The following MUC3A variants were observed in gnomAD, a reference collection of about 807,000 sequenced individuals.
The protein encoded by MUC3A is mucin-3A.
A neutral mutation model predicts 109.0 loss-of-function variants in MUC3A; 109 were observed. The ratio of observed to expected loss-of-function variants is 1.00; its 90% CI spans 0.86 to 1.17. The LOEUF is 1.17. Ranked by LOEUF, MUC3A falls within the 50% of genes most tolerant of loss-of-function variation. MUC3A has a pLI of 0.00. For missense variants in MUC3A, 3,537 were observed against 2,469.4 expected, an observed-to-expected ratio of 1.43 and a Z score of -9.16; for synonymous variants, 1,398 against 981.4, an observed-to-expected ratio of 1.42 and a Z score of -7.93.
rs1289241022 is a variant in MUC3A, at chr7:100,957,352, A to T, written c.5573A>T (p.Tyr1858Phe). ...ACAGATTCCACGACCAGAACCACCT[A>T]TTCCACCAATATGACAGGTACATTG... ...ALTDSTTRTT[Y>F]STNMTGTLST... The change falls in exon 2 of 12, where the codon TAT becomes TTT. Residue 1858 changes from tyrosine (Y) to phenylalanine (F), a missense_variant. By Grantham distance (22) the Tyr-to-Phe change is conservative. Transcript: ENST00000379458. 1 of 617,828 alleles carries T rather than the reference A, an allele frequency of 1.6e-6. No homozygotes were observed. Among genetic ancestry groups the T allele is most frequent in the Non-Finnish European group, 2.8e-6 (1 of 356,936 alleles). The allele number at this position is 617,828 out of a possible 1,614,324, so 38.3% of individuals were successfully genotyped here. A position where few individuals can be genotyped will look rare whatever the true frequency, so the allele number is the denominator to read the frequency against.
intron 3 of MUC3A, among the ~76,000 whole-genome samples, chr7:100,961,575 C>A (rs36156293): frequency 0.074 from 10,358 of 140,916 alleles, no homozygotes; most frequent in East Asian, 0.22. Context: ...CACCTGTAAT[C>A]CCAGCAGTTT....
intron 8 of MUC3A, chr7:100,966,096 C>T (rs1027980172): frequency 1.5e-6 from 1 of 681,814 alleles, no homozygotes; most frequent in Non-Finnish European, 2.2e-6. Context: ...AGAACCCCGC[C>T]CACTCATTCT....
rs1792223161 is a variant in MUC3A at position 100,959,176 on chromosome 7, CAG to C, written c.7401_7402del (p.Glu2467AspfsTer48). The C allele has an allele frequency of 6.3e-7, 1 of 1,598,176 alleles. No individual in the cohort carries two copies. The highest frequency in any genetic ancestry group is 8.5e-7 in the Non-Finnish European group (1 of 1,179,762). The stretch of plus-strand genomic sequence containing the variant: ...GCCATCACCTCACATTTTACTACCT[CAG>C]AGACTGCGGTGACTCCCACACCTGT... On this transcript the variant is annotated frameshift_variant, in exon 2 of 12. Transcript: ENST00000379458. LOFTEE classifies it high-confidence loss of function.
rs1792138667 is a variant in MUC3A, at chr7:100,957,707, T to A, written c.5928T>A (p.Thr1976=). Residue 1976 remains threonine (T), a synonymous_variant, in exon 2 of 12, where the codon ACT becomes ACA. Coordinates refer to ENST00000379458, the MANE Select transcript of MUC3A (RefSeq NM_005960.2). ...ETTSHNTPSL[T]SSITTTKTTS... ...CATCCCACAATACTCCCAGCCTCAC[T>A]TCTTCAATCACCACCACCAAGACCA... is the stretch of plus-strand genomic sequence containing the variant. The A allele has an allele frequency of 5.0e-6, 7 of 1,410,418 alleles. No individual in the cohort carries two copies. The highest frequency in any genetic ancestry group is 3.5e-4 in the Middle Eastern group (2 of 5,678). The allele number at this position is 1,410,418 out of a possible 1,614,324, so 87.4% of individuals were successfully genotyped here. A position where few individuals can be genotyped will look rare whatever the true frequency, so the allele number is the denominator to read the frequency against.
chr7:100,967,050 A>G (rs1792610030), intron 11 of MUC3A, 71 bp from the exon 12 acceptor site: 5 of 1,598,492 alleles, frequency 3.1e-6, no homozygotes, highest in African/African-American at 2.7e-5. Flanking sequence ...CTGGGCTCGG[A>G]TCAGCAGTGA....
rs370932034 is a variant in MUC3A at position 100,959,602 on chromosome 7, C to T, written c.7823C>T (p.Thr2608Met). The T allele has an allele frequency of 1.6e-4, 255 of 1,597,260 alleles. No homozygotes were observed. The African/African-American group carries it at 1.8e-3, about 11-fold the overall frequency. Residue 2608 changes from threonine (T) to methionine (M), a missense_variant, in exon 2 of 12, where the codon ACG (threonine) becomes ATG (methionine). Physicochemically the swap from Thr to Met is moderately conservative, Grantham distance 81. Transcript: ENST00000379458. ...ACCTTTGGAAGTACGGATTCCTCCA[C>T]GTCCACTCTTCATACTCTTACTCCA... ...TVTFGSTDSS[T>M]STLHTLTPST...
rs767794343 is a variant in MUC3A at position 100,960,856 on chromosome 7, C to G, written c.8971C>G (p.Gln2991Glu). The change falls in exon 3 of 12, where the codon CAG (glutamine) becomes GAG (glutamate). Residue 2991 changes from glutamine to glutamate, a missense_variant. Coordinates refer to ENST00000379458, the MANE Select transcript of MUC3A (RefSeq NM_005960.2). ...CCAGACCAGATGCCAGAATGGGGGT[C>G]AGTGGGATGGCCTCAAATGCCAGTG... ...QLQTRCQNGG[Q>E]WDGLKCQCPS... is the part of the protein sequence containing the mutation. The G allele has an allele frequency of 2.5e-6, 4 of 1,598,522 alleles. No individual in the cohort carries two copies. Among genetic ancestry groups the G allele is most frequent in the Non-Finnish European group, 3.4e-6 (4 of 1,179,800 alleles).
At position 100,964,547 on chromosome 7, in the gene MUC3A, C is replaced by G; in HGVS notation, c.9234-148C>G. On this transcript the variant is annotated intron_variant, in intron 5 of 11. Transcript: ENST00000379458. ...GACCAAGTCAGGAATGCTGGCAGCCCCTTCTGAAAAGGATGCACGTGGCAT... is the reference window on the plus strand; with the variant it reads ...GACCAAGTCAGGAATGCTGGCAGCCGCTTCTGAAAAGGATGCACGTGGCAT... 5.3e-6 allele frequency: 7 copies of G among 1,317,368 alleles called. No individual in the cohort carries two copies. The South Asian group carries it at 9.9e-5, about 19-fold the overall frequency. The allele number at this position is 1,317,368 out of a possible 1,614,324, so 81.6% of individuals were successfully genotyped here. A position where few individuals can be genotyped will look rare whatever the true frequency, so the allele number is the denominator to read the frequency against.
intron 7 of MUC3A, 176 bp downstream of exon 7, chr7:100,965,523 C>T: frequency 7.1e-7 from 1 of 1,416,208 alleles, no homozygotes; most frequent in Non-Finnish European, 9.5e-7. Flanking sequence ...CAGCAGGGGC[C>T]ACGAGGAGAG....
Position 100,963,768 on chromosome 7 carries a change from G to T in MUC3A, c.9233+16G>T. ...TGTCCCTGAGGTAGGAGACCCATCT[G>T]GGGATGCGGAGGCGGTGTTGGGTGG... On this transcript the variant is annotated intron_variant, in intron 5 of 11. Coordinates refer to ENST00000379458, the MANE Select transcript of MUC3A (RefSeq NM_005960.2). 1 of 1,598,566 alleles carries T rather than the reference G, an allele frequency of 6.3e-7. No homozygotes were observed. The highest frequency in any genetic ancestry group is 2.2e-5 in the East Asian group (1 of 44,892).
chr7:100,953,043 C>A lies in MUC3A; in HGVS notation c.1264C>A (p.Pro422Thr), dbSNP rs1235829262. The change falls in exon 2 of 12, where the codon CCC becomes ACC. Residue 422 changes from proline to threonine, a missense_variant. Coordinates refer to ENST00000379458, the MANE Select transcript of MUC3A (RefSeq NM_005960.2). Reference protein sequence around the residue: ...STSTTAISSLPPTSGTMVTST... With the variant: ...STSTTAISSLTPTSGTMVTST... ...ATCCACAACTGCCATCTCCTCACTT[C>A]CCCCTACCTCAGGTACTATGGTGAC... 54 of 1,475,574 alleles carry A rather than the reference C, an allele frequency of 3.7e-5. No homozygotes were observed. In the East Asian group the frequency reaches 1.2e-3, roughly 33 times the overall value. 91.4% of individuals were successfully genotyped at this position (1,475,574 alleles called of 1,614,324 possible).
At position 100,960,115 on chromosome 7, in the gene MUC3A, C is replaced by G. The variant is rs747443559; in HGVS notation, c.8336C>G (p.Pro2779Arg). The G allele has an allele frequency of 1.7e-5, 26 of 1,539,370 alleles. No homozygotes were observed. In the South Asian group the frequency reaches 3.3e-4, roughly 19 times the overall value. The change falls in exon 2 of 12, where the codon CCT becomes CGT. Residue 2779 changes from proline to arginine, a missense_variant. Pro to Arg is a moderately radical substitution (Grantham distance 103). Transcript: ENST00000379458. ...CPGTITITIV[P>R]ASPTDPCVEM... is the part of the protein sequence containing the mutation. The stretch of plus-strand genomic sequence containing the variant: ...GGAACTATAACAATTACCATAGTCC[C>G]TGCCTCCCCCACTGATCCATGTGTT...
In MUC3A at chr7:100,958,082, G is replaced by T. The variant is rs1792148914; in HGVS notation, c.6303G>T (p.Glu2101Asp). 5 of 1,368,470 alleles carry T rather than the reference G, an allele frequency of 3.7e-6. No individual in the cohort carries two copies. Among genetic ancestry groups the T allele is most frequent in the East Asian group, 4.6e-5 (2 of 43,606 alleles). The allele number at this position is 1,368,470 out of a possible 1,614,324, so 84.8% of individuals were successfully genotyped here. ...LSFTSSITTT[E>D]TTSHSTPSFT... ...TCACTTCTTCAATCACCACCACTGAGACCACCTCACACAGTACTCCCAGCT... is the reference window on the plus strand; with the variant it reads ...TCACTTCTTCAATCACCACCACTGATACCACCTCACACAGTACTCCCAGCT... The change falls in exon 2 of 12, where the codon GAG (glutamate) becomes GAT (aspartate). Residue 2101 changes from glutamate (E) to aspartate (D), a missense_variant. By Grantham distance (45) the Glu-to-Asp change is conservative. Transcript: ENST00000379458.
Position 100,960,807 on chromosome 7 carries a change from G to T in MUC3A, c.8922G>T (p.Gly2974=). Residue 2974 remains glycine (G), a synonymous_variant, in exon 3 of 12, where the codon GGG becomes GGT. Transcript: ENST00000379458. ...AGGGCCAGTGTGCTTGCCTTCCGGG[G>T]TTTTCTGGGGACCGCTGTCAGCTCC... ...WEQGQCACLP[G]FSGDRCQLQT... 2.5e-6 allele frequency: 4 copies of T among 1,598,536 alleles called. No homozygotes were observed. Among genetic ancestry groups the T allele is most frequent in the Non-Finnish European group, 3.4e-6 (4 of 1,179,816 alleles).
At position 100,952,043 on chromosome 7, in the gene MUC3A, T is replaced by A; in HGVS notation, c.264T>A (p.Ser88=). ...CCTCCCCCCATGACACACTCATCTC[T>A]GAAACATTGCTCAACTCTCCAGTCA... ...LTTSPHDTLI[S]ETLLNSPVSS... Residue 88 remains serine, a synonymous_variant, in exon 2 of 12, where the codon TCT becomes TCA. Transcript: ENST00000379458. 1 of 1,598,678 alleles carries A rather than the reference T, an allele frequency of 6.3e-7. No homozygotes were observed. Among genetic ancestry groups the A allele is most frequent in the Non-Finnish European group, 8.5e-7 (1 of 1,179,814 alleles).
intron 8 of MUC3A, 183 bp downstream of exon 8, chr7:100,966,049 T>TCGCCCTAAAGTGTAGCCACGCCTCC: frequency 1.2e-6 from 1 of 855,048 alleles, no homozygotes. Flanking sequence ...GCTCTGCTCC[T>TCGCCCTAAAGTGTAGCCACGCCTCC]TTGATGGGGT....
chr7:100,950,463 G>A (rs573279258), intron 1 of MUC3A, among the ~76,000 whole-genome samples: 1 of 152,426 alleles, frequency 6.6e-6, no homozygotes, highest in African/African-American at 2.4e-5. Flanking sequence ...CCCCTTCTCA[G>A]TCACCTCCAG....
intron 8 of MUC3A, 128 bp from the exon 9 acceptor site, chr7:100,966,258 T>TCTAGGGTAGAACACCCCAGCTTGCC: frequency 2.4e-6 from 1 of 423,178 alleles, no homozygotes; most frequent in Non-Finnish European, 3.1e-6. Flanking sequence ...CAGCCCCTTG[T>TCTAGGGTAGAACACCCCAGCTTGCC]CTAGGGTGGA....
chr7:100,963,174 A>G lies in MUC3A; in HGVS notation c.9076A>G (p.Met3026Val). 1.3e-6 allele frequency: 2 copies of G among 1,596,308 alleles called. No individual in the cohort carries two copies. The highest frequency in any genetic ancestry group is 1.7e-6 in the Non-Finnish European group (2 of 1,178,766). ...DLDVVETEVG[M>V]EVSVDQQFSP... ...AGATGTAGTGGAGACCGAGGTGGGC[A>G]TGGAAGTGTCTGTGGATCAGCAGTT... The change falls in exon 4 of 12, where the codon ATG (methionine) becomes GTG (valine). Residue 3026 changes from methionine (M) to valine (V), a missense_variant. Physicochemically the swap from Met to Val is conservative, Grantham distance 21. Coordinates refer to ENST00000379458, the MANE Select transcript of MUC3A (RefSeq NM_005960.2).
Sources: gnomAD v4.1 joint callset for allele counts (sites outside exome capture counted in the v4.1 genomes callset) on GRCh38, gnomAD v4.1.1 for gene constraint, MANE v1.5 for transcripts, NCBI Gene and HGNC (gene_info 2026-07-23, HGNC 2026-07-21) for gene names.